HECW1: variants seen among roughly 807,000 people sequenced by gnomAD.
The protein encoded by HECW1 is HECT, C2 and WW domain containing E3 ubiquitin protein ligase 1.
Under a neutral mutation model 182.3 loss-of-function variants are expected in HECW1, and 61 were observed. That is an observed-to-expected ratio of 0.33 (90% CI 0.27 to 0.41). The LOEUF is 0.41. HECW1 is among the 10% of genes least tolerant of loss of function. The pLI is 1.00. For missense variants in HECW1, 1,739 were observed against 2,108.9 expected (o/e 0.82, Z 3.44); for synonymous variants, 859 against 832.6 (o/e 1.03, Z -0.55).
intron 2 of HECW1, among the ~76,000 whole-genome samples, chr7:43,242,723 T>C (rs1434637498): frequency 6.6e-6 from 1 of 152,080 alleles, no homozygotes; most frequent in Non-Finnish European, 1.5e-5. Flanking sequence ...AGTTGGACCT[T>C]CTCCAAGGAG....
Position 43,407,986 on chromosome 7 carries a change from G to A in HECW1, c.801+255G>A, listed in dbSNP as rs1323365607. ...TCTTCTGATTCAGAACCCATGCCGC[G>A]AGCAGGACGGCCTTTCCCTCTGCCC... is the stretch of plus-strand genomic sequence containing the variant. On this transcript the variant is annotated intron_variant, in intron 8 of 29. Coordinates refer to ENST00000395891, the MANE Select transcript of HECW1 (RefSeq NM_015052.5). Among the ~76,000 whole-genome samples, 3 of 152,160 alleles carry A rather than the reference G, an allele frequency of 2.0e-5. No individual in the cohort carries two copies. In the East Asian group the frequency reaches 5.8e-4, roughly 29 times the overall value.
At chr7:43,559,513 G>A (rs2082140602) in intron 29 of HECW1, among the ~76,000 whole-genome samples, 1 of 152,102 alleles carries the variant, frequency 6.6e-6, no homozygotes, top group Non-Finnish European at 1.5e-5. Context: ...TGTGTGTTCT[G>A]GCGTTGATCC....
intron 8 of HECW1, among the ~76,000 whole-genome samples, chr7:43,434,130 C>A (rs1164472404): frequency 6.6e-6 from 1 of 152,132 alleles, no homozygotes; most frequent in African/African-American, 2.4e-5. Context: ...AAGAGTGTGC[C>A]TTAGTAATAG....
intron 3 of HECW1, among the ~76,000 whole-genome samples, chr7:43,276,206 A>T (rs1364274932): frequency 1.3e-5 from 2 of 152,124 alleles, no homozygotes; most frequent in African/African-American, 4.8e-5. Flanking sequence ...TTTATTTTGG[A>T]TCAATCTAGC....
chr7:43,520,509 C>G (rs975017876), intron 24 of HECW1, among the ~76,000 whole-genome samples: 2 of 152,128 alleles, frequency 1.3e-5, no homozygotes, highest in East Asian at 3.9e-4. Flanking sequence ...TTTACATGGG[C>G]GCAAATTTCC....
intron 8 of HECW1, among the ~76,000 whole-genome samples, chr7:43,418,367 G>C (rs867909720): frequency 6.6e-6 from 1 of 152,148 alleles, no homozygotes; most frequent in South Asian, 2.1e-4. Context: ...ACTTCTTGAA[G>C]CTATAAGTTT....
chr7:43,514,396 C>T (rs2080036019), intron 24 of HECW1, among the ~76,000 whole-genome samples: 1 of 151,154 alleles, frequency 6.6e-6, no homozygotes, highest in South Asian at 2.1e-4. Context: ...TCAAGCAAGT[C>T]TCCTGCCTCA....
rs1471559274 is a variant in HECW1 at position 43,479,867 on chromosome 7, T to C, written c.3234+123T>C. ...GCCTGCGCTGGAAGAGATTAAGCCA[T>C]ATGCACCCTGCTTTGTAGAAGAATG... On this transcript the variant is annotated intron_variant, in intron 17 of 29. Transcript: ENST00000395891. 9.0e-6 allele frequency: 10 copies of C among 1,107,564 alleles called. No homozygotes were observed. The East Asian group carries it at 1.4e-4, about 16-fold the overall frequency. 68.6% of individuals were successfully genotyped at this position (1,107,564 alleles called of 1,614,324 possible).
At chr7:43,346,238 G>A (rs1813667927) in intron 5 of HECW1, among the ~76,000 whole-genome samples, 1 of 152,216 alleles carries the variant, frequency 6.6e-6, no homozygotes, top group African/African-American at 2.4e-5. Context: ...GCATTTCCCT[G>A]ATAATTAGTG....
chr7:43,122,986 A>G (rs1346907073), intron 2 of HECW1, among the ~76,000 whole-genome samples: 1 of 152,218 alleles, frequency 6.6e-6, no homozygotes, highest in Non-Finnish European at 1.5e-5. Context: ...AGATTTTTCC[A>G]TCTAGACAAA....
At chr7:43,229,322 C>G (rs1797688068) in intron 2 of HECW1, among the ~76,000 whole-genome samples, 1 of 152,132 alleles carries the variant, frequency 6.6e-6, no homozygotes, top group South Asian at 2.1e-4. Context: ...ATTCAAAACT[C>G]TGTTTAAAAA....
intron 2 of HECW1, among the ~76,000 whole-genome samples, chr7:43,197,876 G>GC (rs1794615198): frequency 6.6e-6 from 1 of 152,062 alleles, no homozygotes; most frequent in Admixed American, 6.6e-5. Flanking sequence ...GGTTCCCAGT[G>GC]AAGGCGTTGG....
At chr7:43,252,279 A>G (rs1039097877) in intron 3 of HECW1, among the ~76,000 whole-genome samples, 1 of 152,112 alleles carries the variant, frequency 6.6e-6, no homozygotes, top group Non-Finnish European at 1.5e-5. Context: ...GCCCCCAGTC[A>G]GTATCCGTGT....
chr7:43,436,846 A>G (rs892292074), intron 8 of HECW1, among the ~76,000 whole-genome samples: 5 of 152,108 alleles, frequency 3.3e-5, no homozygotes, highest in African/African-American at 1.2e-4. Flanking sequence ...CTATTTAACA[A>G]ACAAGTACTT....
Position 43,178,997 on chromosome 7 carries a change from G to GA in HECW1, c.-32+64612dup, listed in dbSNP as rs1160616279. ...AGCACTGAAAATAATATTGTCTAGA[G>GA]AAAAAAGCCTTGGAGAATATCAACT... On this transcript the variant is annotated intron_variant, in intron 2 of 29. Transcript: ENST00000395891. 2.0e-5 allele frequency among the ~76,000 whole-genome samples: 3 copies of GA among 152,232 alleles called. No individual in the cohort carries two copies. In the South Asian group the frequency reaches 6.2e-4, roughly 32 times the overall value.
chr7:43,461,778 G>A (rs1465169036), intron 13 of HECW1, among the ~76,000 whole-genome samples: 2 of 152,148 alleles, frequency 1.3e-5, no homozygotes, highest in African/African-American at 2.4e-5. Context: ...GTTCTAAGAG[G>A]CCGGCTCAGG....
chr7:43,396,873 C>T lies in HECW1; in HGVS notation c.615C>T (p.Ile205=), dbSNP rs1208921615. 6.2e-7 allele frequency: 1 copy of T among 1,612,376 alleles called. No homozygotes were observed. Among genetic ancestry groups the T allele is most frequent in the African/African-American group, 1.3e-5 (1 of 74,886 alleles). The change falls in exon 7 of 30, where the codon ATC becomes ATT. Residue 205 remains isoleucine, a synonymous_variant. Coordinates refer to ENST00000395891, the MANE Select transcript of HECW1 (RefSeq NM_015052.5). The part of the protein sequence containing the change: ...TVQGQGSRRL[I]SFSLSDFQAM... ...AAGGACAAGGAAGTCGGAGGCTGATCAGCTTCTCTCTCTCAGGTATGTTTT... is the reference window on the plus strand; with the variant it reads ...AAGGACAAGGAAGTCGGAGGCTGATTAGCTTCTCTCTCTCAGGTATGTTTT...
At chr7:43,356,047 CCTTA>C (rs1467385847) in intron 5 of HECW1, among the ~76,000 whole-genome samples, 1 of 151,898 alleles carries the variant, frequency 6.6e-6, no homozygotes, top group African/African-American at 2.4e-5. Context: ...AGTAATCAGT[CCTTA>C]CTTATCAATA....
intron 8 of HECW1, among the ~76,000 whole-genome samples, chr7:43,407,984 G>A (rs1018907783): frequency 1.3e-5 from 2 of 152,170 alleles, no homozygotes; most frequent in Admixed American, 6.5e-5. Flanking sequence ...AACCCATGCC[G>A]CGAGCAGGAC....
Sources: allele counts gnomAD v4.1 joint callset (sites outside exome capture counted in the v4.1 genomes callset), GRCh38; gene constraint gnomAD v4.1.1; transcripts MANE v1.5; gene names NCBI Gene and HGNC (gene_info 2026-07-23, HGNC 2026-07-21).